Variants in ARMC10 observed in about 807,000 individuals in gnomAD.
ARMC10 encodes the protein armadillo repeat-containing protein 10.
In ARMC10, 23 loss-of-function variants were observed where a neutral mutation model predicts 30.2. That is an observed-to-expected ratio of 0.76 (90% CI 0.55 to 1.08). The LOEUF (loss-of-function observed/expected upper bound fraction) is 1.08. Among genes scored for constraint, ARMC10 ranks in the 50% least tolerant of loss-of-function variants. The pLI is 0.00. For missense variants in ARMC10, 303 were observed against 413.7 expected, an observed-to-expected ratio of 0.73 and a Z score of 2.32; for synonymous variants, 111 against 164.4, an observed-to-expected ratio of 0.68 and a Z score of 2.48.
At chr7:103,075,542 G>A in intron 1 of ARMC10, 131 bp downstream of exon 1, 2 of 1,081,692 alleles carry the variant, frequency 1.8e-6, no homozygotes, top group Non-Finnish European at 2.4e-6. Context: ...ACTTGTGTGA[G>A]TGCAGGGTGC....
At position 103,083,791 on chromosome 7, in the gene ARMC10, G is replaced by C; in HGVS notation, c.354G>C (p.Leu118Phe). Residue 118 changes from leucine to phenylalanine, a missense_variant, in exon 3 of 7, where the codon TTG becomes TTC. Leu to Phe is a conservative substitution (Grantham distance 22). This residue lies in a region of ARMC10 where 170 missense variants were observed against 207.2 expected (regional missense o/e 0.82). Coordinates refer to ENST00000323716, the MANE Select transcript of ARMC10 (RefSeq NM_031905.5). ...ATCCTGTAATTATTGAAAGAGCTTT[G>C]ATTACTTTGGGTAACAATGCAGCCT... ...TEDPVIIERALITLGNNAAFS... is the reference protein window; with the variant it reads ...TEDPVIIERAFITLGNNAAFS... 1 of 1,614,102 alleles carries C rather than the reference G, an allele frequency of 6.2e-7. No individual in the cohort carries two copies. The highest frequency in any genetic ancestry group is 8.5e-7 in the Non-Finnish European group (1 of 1,180,002).
chr7:103,097,944 T>C (rs957389329), intron 6 of ARMC10, among the ~76,000 whole-genome samples: 1 of 152,208 alleles, frequency 6.6e-6, no homozygotes, highest in African/African-American at 2.4e-5. Flanking sequence ...CACTAAATGT[T>C]TGATGAAAAA....
At chr7:103,097,081 C>G in intron 5 of ARMC10, 196 bp from the exon 6 acceptor site, 1 of 592,080 alleles carries the variant, frequency 1.7e-6, no homozygotes, top group Non-Finnish European at 3.0e-6. Context: ...AGAGTGCTGC[C>G]AAGTGTTATA....
chr7:103,075,951 C>G, intron 2 of ARMC10, 70 bp downstream of exon 2: 1 of 1,196,670 alleles, frequency 8.4e-7, no homozygotes, highest in Non-Finnish European at 1.1e-6. Flanking sequence ...ATGCATGATT[C>G]GGTTTCTGTC....
chr7:103,089,999 G>C (rs561881933), intron 4 of ARMC10, among the ~76,000 whole-genome samples: 131 of 152,268 alleles, frequency 8.6e-4, no homozygotes, highest in Admixed American at 8.4e-3. Flanking sequence ...ACATGATTGA[G>C]TACATAGAAA....
intron 2 of ARMC10, among the ~76,000 whole-genome samples, chr7:103,076,537 CTT>C (rs1005831380): frequency 2.0e-5 from 3 of 152,166 alleles, no homozygotes; most frequent in African/African-American, 7.2e-5. Context: ...GCTTATTTCA[CTT>C]TTAAAAAGAT....
In ARMC10 at chr7:103,091,687, G is replaced by A. The variant is rs1009020223; in HGVS notation, c.529-790G>A. On this transcript the variant is annotated intron_variant, in intron 4 of 6. Coordinates refer to ENST00000323716, the MANE Select transcript of ARMC10 (RefSeq NM_031905.5). ...GTACTTATTACTATGATACAAAATGGCCTCACATCTTCTTCCCTGATCCCA... is the reference window on the plus strand; with the variant it reads ...GTACTTATTACTATGATACAAAATGACCTCACATCTTCTTCCCTGATCCCA... Among the ~76,000 whole-genome samples the A allele has an allele frequency of 1.0e-4, 3 of 30,028 alleles. No individual in the cohort carries two copies. In the East Asian group the frequency reaches 0.065, roughly 653 times the overall value. 19.7% of individuals were successfully genotyped at this position (30,028 alleles called of 152,430 possible).
chr7:103,075,510 C>T lies in ARMC10; in HGVS notation c.139+99C>T, dbSNP rs182065746. ...CGTGTGCTCGGGGTAAAATGAGGAGCCGAGCTAGAGGGAGAGGCAGTACTT... is the reference window on the plus strand; with the variant it reads ...CGTGTGCTCGGGGTAAAATGAGGAGTCGAGCTAGAGGGAGAGGCAGTACTT... On this transcript the variant is annotated intron_variant, in intron 1 of 6. Coordinates refer to ENST00000323716, the MANE Select transcript of ARMC10 (RefSeq NM_031905.5). The T allele has an allele frequency of 1.1e-4, 127 of 1,174,262 alleles. 1 individual carries two copies. The East Asian group carries it at 3.5e-3, about 32-fold the overall frequency. 72.7% of individuals were successfully genotyped at this position (1,174,262 alleles called of 1,614,324 possible). A position where few individuals can be genotyped will look rare whatever the true frequency, so the allele number is the denominator to read the frequency against.
intron 2 of ARMC10, among the ~76,000 whole-genome samples, chr7:103,082,794 T>G (rs1230809395): frequency 6.6e-6 from 1 of 152,198 alleles, no homozygotes; most frequent in Non-Finnish European, 1.5e-5. Context: ...TAAAGAGGAT[T>G]TTTTTTAAGG....
chr7:103,084,915 A>T (rs1251955595), intron 3 of ARMC10, among the ~76,000 whole-genome samples: 1 of 152,174 alleles, frequency 6.6e-6, no homozygotes, highest in Admixed American at 6.5e-5. Flanking sequence ...ACCATGGCCC[A>T]TGTTTATTGA....
chr7:103,095,828 G>T (rs1055964607), intron 5 of ARMC10: 1 of 151,036 alleles, frequency 6.6e-6, no homozygotes, highest in Admixed American at 6.7e-5. Flanking sequence ...GTAAACTATC[G>T]CAAGAACAAA....
intron 1 of ARMC10, among the ~76,000 whole-genome samples, 165 bp downstream of exon 1, chr7:103,075,576 G>A (rs1799662681): frequency 6.6e-6 from 1 of 152,242 alleles, no homozygotes; most frequent in Non-Finnish European, 1.5e-5. Context: ...CCGCCCCTTT[G>A]CTGACTATAC....
intron 4 of ARMC10, 49 bp downstream of exon 4, chr7:103,086,813 A>T: frequency 6.3e-7 from 1 of 1,578,122 alleles, no homozygotes; most frequent in Non-Finnish European, 8.6e-7. Flanking sequence ...ATAAATAAAA[A>T]ATAACAAAAA....
At position 103,090,982 on chromosome 7, in the gene ARMC10, AT is replaced by A. The variant is rs60318301; in HGVS notation, c.529-1487del. On this transcript the variant is annotated intron_variant, in intron 4 of 6. Transcript: ENST00000323716. Reference sequence around the variant, plus strand: ...CTATGGTAACATGGATACATTTGGGATTTTTTTTAAATTAATAATTGTTTAT... The same window carrying A: ...CTATGGTAACATGGATACATTTGGGATTTTTTTAAATTAATAATTGTTTAT... 3.0e-4 allele frequency among the ~76,000 whole-genome samples: 46 copies of A among 152,052 alleles called. 1 individual carries two copies. Among genetic ancestry groups the A allele is most frequent in the African/African-American group, 1.1e-3 (45 of 41,440 alleles).
chr7:103,077,617 T>C (rs539091031), intron 2 of ARMC10, among the ~76,000 whole-genome samples: 1 of 152,304 alleles, frequency 6.6e-6, no homozygotes, highest in South Asian at 2.1e-4. Context: ...AGTCACCTCT[T>C]AAAGGCCTTA....
intron 2 of ARMC10, among the ~76,000 whole-genome samples, chr7:103,080,272 T>A (rs1404887492): frequency 6.6e-6 from 1 of 152,254 alleles, no homozygotes; most frequent in African/African-American, 2.4e-5. Flanking sequence ...TTTGTTGTTT[T>A]GAGATGGAGT....
intron 5 of ARMC10, among the ~76,000 whole-genome samples, chr7:103,094,347 T>A (rs1801596648): frequency 6.7e-6 from 1 of 148,920 alleles, no homozygotes; most frequent in South Asian, 2.1e-4. Flanking sequence ...AAAAAAAACA[T>A]GTCTTAATAT....
chr7:103,098,313 C>G lies in ARMC10; in HGVS notation c.792C>G (p.Phe264Leu), dbSNP rs758019515. 6.3e-7 allele frequency: 1 copy of G among 1,586,378 alleles called. No homozygotes were observed. The highest frequency in any genetic ancestry group is 8.6e-7 in the Non-Finnish European group (1 of 1,168,248). ...GLLRAQVDSS[F>L]LSLYDSHVAK... ...TCATATTTCAGGTGGATTCATCATT[C>G]CTTTCCCTTTATGACAGCCACGTAG... The change falls in exon 7 of 7, where the codon TTC becomes TTG. Residue 264 changes from phenylalanine to leucine, a missense_variant. Around this residue, in one of 4 missense-constraint regions of ARMC10, gnomAD observed 26 missense variants for 94.7 expected, o/e 0.27. Coordinates refer to ENST00000323716, the MANE Select transcript of ARMC10 (RefSeq NM_031905.5).
rs900760756 is a variant in ARMC10 at position 103,094,740 on chromosome 7, AAAG to A, written c.705+2091_705+2093del. ...GATAGTGACCTCCACGGAGTGCACT[AAAG>A]AAGGGTCAGAAGTCTCCTTTACTCT... On this transcript the variant is annotated intron_variant, in intron 5 of 6. Transcript: ENST00000323716. Among the ~76,000 whole-genome samples the A allele has an allele frequency of 5.3e-5, 8 of 152,206 alleles. 1 individual carries two copies. The highest frequency in any genetic ancestry group is 1.9e-4 in the African/African-American group (8 of 41,444).
Sources: gnomAD v4.1 joint callset for allele counts (sites outside exome capture counted in the v4.1 genomes callset) on GRCh38, gnomAD v4.1.1 for gene constraint, gnomAD v4.1.1 regional missense constraint, MANE v1.5 for transcripts, NCBI Gene and HGNC (gene_info 2026-07-23, HGNC 2026-07-21) for gene names.